The following CNTLN variants were observed in gnomAD, a reference collection of about 807,000 sequenced individuals.
CNTLN encodes the protein centlein, centrosomal protein.
Under a neutral mutation model 180.0 loss-of-function variants are expected in CNTLN, and 212 were observed. The ratio of observed to expected loss-of-function variants is 1.18; its 90% CI spans 1.05 to 1.32. The LOEUF is 1.32. Ranked by LOEUF, CNTLN falls within the 40% of genes most tolerant of loss-of-function variation. The pLI is 0.00. For synonymous variants in CNTLN, 722 were observed against 563.1 expected, an observed-to-expected ratio of 1.28 and a Z score of -3.99; for missense variants, 2,095 against 1,610.9, an observed-to-expected ratio of 1.30 and a Z score of -5.14.
At chr9:17,203,903 G>C (rs1467263430) in intron 2 of CNTLN, among the ~76,000 whole-genome samples, 1 of 152,120 alleles carries the variant, frequency 6.6e-6, no homozygotes, top group Non-Finnish European at 1.5e-5. Flanking sequence ...CTTTCTTTCG[G>C]TAAGGTGATC....
intron 12 of CNTLN, among the ~76,000 whole-genome samples, chr9:17,353,756 A>AGAG: frequency 6.6e-6 from 1 of 151,854 alleles, no homozygotes; most frequent in South Asian, 2.1e-4. Flanking sequence ...TGTGCCACTG[A>AGAG]GAGGTGACAG....
chr9:17,188,844 A>T (rs1821601759), intron 2 of CNTLN, among the ~76,000 whole-genome samples: 1 of 151,936 alleles, frequency 6.6e-6, no homozygotes, highest in African/African-American at 2.4e-5. Flanking sequence ...AAGGTTTTTG[A>T]ATTGCTTAAT....
At chr9:17,201,219 G>T (rs1176184336) in intron 2 of CNTLN, among the ~76,000 whole-genome samples, 1 of 152,162 alleles carries the variant, frequency 6.6e-6, no homozygotes, top group Admixed American at 6.5e-5. Flanking sequence ...TTGATGTGCT[G>T]CTGTATTCAG....
chr9:17,513,072 G>T, the CNTLN span, among the ~76,000 whole-genome samples: 5 of 152,002 alleles, frequency 3.3e-5, no homozygotes, highest in Non-Finnish European at 1.5e-5. Flanking sequence ...GCCCTCCTTG[G>T]CCTCCCAAAG....
At chr9:17,221,367 C>G (rs1272953269) in intron 2 of CNTLN, among the ~76,000 whole-genome samples, 1 of 151,934 alleles carries the variant, frequency 6.6e-6, no homozygotes, top group African/African-American at 2.4e-5. Flanking sequence ...AGAAATTCAT[C>G]AGTTTCTGAA....
intron 14 of CNTLN, among the ~76,000 whole-genome samples, chr9:17,388,531 C>G: frequency 6.6e-6 from 1 of 152,024 alleles, no homozygotes; most frequent in African/African-American, 2.4e-5. Context: ...GAAATGTAGA[C>G]TATATGTGCT....
At chr9:17,153,326 A>G (rs1819028474) in intron 2 of CNTLN, among the ~76,000 whole-genome samples, 1 of 152,132 alleles carries the variant, frequency 6.6e-6, no homozygotes, top group African/African-American at 2.4e-5. Flanking sequence ...TGCTTCTTTC[A>G]GAAGCTCTTG....
At chr9:17,417,168 G>A (rs1296716126) in intron 18 of CNTLN, among the ~76,000 whole-genome samples, 3 of 152,108 alleles carry the variant, frequency 2.0e-5, no homozygotes, top group African/African-American at 7.2e-5. Context: ...ATAAGACTGA[G>A]CTCTATGTTA....
intron 2 of CNTLN, among the ~76,000 whole-genome samples, chr9:17,194,705 T>G (rs1822011619): frequency 6.6e-6 from 1 of 152,196 alleles, no homozygotes; most frequent in African/African-American, 2.4e-5. Context: ...CAAAGTCACT[T>G]CCACATTTTC....
At chr9:17,146,328 A>T (rs1382051809) in intron 2 of CNTLN, among the ~76,000 whole-genome samples, 1 of 151,360 alleles carries the variant, frequency 6.6e-6, no homozygotes, top group African/African-American at 2.4e-5. Flanking sequence ...CTTTTGTTGT[A>T]TCTCCTCAGT....
intron 8 of CNTLN, among the ~76,000 whole-genome samples, chr9:17,328,875 A>T (rs1274922850): frequency 6.6e-6 from 1 of 151,982 alleles, no homozygotes; most frequent in Non-Finnish European, 1.5e-5. Flanking sequence ...CTTTATTGTT[A>T]TCAAAAATAT....
At chr9:17,466,642 T>C in intron 22 of CNTLN, 64 bp from the exon 23 acceptor site, 1 of 1,336,870 alleles carries the variant, frequency 7.5e-7, no homozygotes, top group Non-Finnish European at 1.0e-6. Context: ...TTGACATGTA[T>C]AACTAACTCT....
chr9:17,418,378 A>C (rs1828431511), intron 18 of CNTLN, among the ~76,000 whole-genome samples: 1 of 152,026 alleles, frequency 6.6e-6, no homozygotes, highest in South Asian at 2.1e-4. Flanking sequence ...TATTACATAG[A>C]TACAGACAAA....
chr9:17,440,995 G>A (rs2134042172), intron 18 of CNTLN, among the ~76,000 whole-genome samples: 1 of 152,324 alleles, frequency 6.6e-6, no homozygotes, highest in Non-Finnish European at 1.5e-5. Flanking sequence ...TACAATTAGT[G>A]TGTGGTGATA....
At chr9:17,388,348 C>G in intron 14 of CNTLN, 95 bp downstream of exon 14, 1 of 744,548 alleles carries the variant, frequency 1.3e-6, no homozygotes, top group African/African-American at 1.7e-5. Context: ...AAATGTAAAC[C>G]TTGTGTGAAT....
At chr9:17,355,891 C>G (rs1822797397) in intron 12 of CNTLN, among the ~76,000 whole-genome samples, 1 of 101,508 alleles carries the variant, frequency 9.9e-6, no homozygotes. Context: ...AGTGAAAGCC[C>G]GTCTCTACTA....
At chr9:17,270,132 C>T (rs1268053047) in intron 5 of CNTLN, among the ~76,000 whole-genome samples, 3 of 151,884 alleles carry the variant, frequency 2.0e-5, no homozygotes, top group African/African-American at 7.3e-5. Context: ...AATGTCTGTT[C>T]TTTTTTCCCT....
chr9:17,295,099 C>T (rs1817773499), intron 6 of CNTLN, among the ~76,000 whole-genome samples: 1 of 150,630 alleles, frequency 6.6e-6, no homozygotes, highest in Non-Finnish European at 1.5e-5. Flanking sequence ...CACTGCCGGG[C>T]TGGCGGGGCT....
At chr9:17,454,478 C>T (rs1372082485) in intron 18 of CNTLN, among the ~76,000 whole-genome samples, 1 of 152,154 alleles carries the variant, frequency 6.6e-6, no homozygotes, top group African/African-American at 2.4e-5. Context: ...TGATTCTAGT[C>T]AAACAAGTAA....
Sources: allele counts gnomAD v4.1 joint callset (sites outside exome capture counted in the v4.1 genomes callset), GRCh38; gene constraint gnomAD v4.1.1; transcripts MANE v1.5; gene names NCBI Gene and HGNC (gene_info 2026-07-23, HGNC 2026-07-21).